Variants in FRMD3 observed in about 807,000 individuals in gnomAD.
FRMD3 encodes the protein FERM domain-containing protein 3.
FRMD3 carries 33 observed loss-of-function variants against 70.2 expected under a neutral mutation model. The ratio of observed to expected loss-of-function variants is 0.47; its 90% CI spans 0.36 to 0.63. The LOEUF is 0.63. FRMD3 is among the 20% of genes least tolerant of loss of function. FRMD3 has a pLI of 0.00. For missense variants in FRMD3, 632 were observed against 711.4 expected (o/e 0.89, Z 1.27); for synonymous variants, 279 against 255.9 (o/e 1.09, Z -0.86).
chr9:83,579,301 TA>T, the FRMD3 span, among the ~76,000 whole-genome samples: 928 of 141,304 alleles, frequency 6.6e-3, 2 homozygotes, highest in African/African-American at 0.011. Context: ...CAGAGAAATG[TA>T]AAAAAAAAAA....
At chr9:83,455,766 A>G (rs1266246164) in intron 1 of FRMD3, among the ~76,000 whole-genome samples, 1 of 152,214 alleles carries the variant, frequency 6.6e-6, no homozygotes, top group African/African-American at 2.4e-5. Context: ...TGATAAAAAT[A>G]TATTTTTCTT....
intron 10 of FRMD3, among the ~76,000 whole-genome samples, chr9:83,302,394 C>A (rs1458037491): frequency 7.2e-5 from 11 of 152,180 alleles, no homozygotes; most frequent in Non-Finnish European, 1.3e-4. Flanking sequence ...CCTGAAAGAA[C>A]AGTGGTCCAG....
intron 13 of FRMD3, chr9:83,267,083 ACC>A: frequency 6.4e-7 from 1 of 1,550,822 alleles, no homozygotes; most frequent in Non-Finnish European, 8.7e-7. Flanking sequence ...GCAGTGGTTC[ACC>A]ATGTGCAATT....
chr9:83,538,238 C>T lies in FRMD3; in HGVS notation c.-7G>A. 1 of 1,558,384 alleles carries T rather than the reference C, an allele frequency of 6.4e-7. No homozygotes were observed. The highest frequency in any genetic ancestry group is 1.2e-5 in the South Asian group (1 of 85,558). On this transcript the variant is annotated 5_prime_UTR_variant, in exon 1 of 14. Transcript: ENST00000304195. This position sits in a 1 kb window ranked among gnomAD's most constrained non-coding sequence, Gnocchi z 4.7. ...AGTGGCAGGAGGCGAACATGCACCG[C>T]GGCCGTGGGGAGCGAGCGGGAGGCT...
intron 13 of FRMD3, among the ~76,000 whole-genome samples, chr9:83,264,899 A>T (rs1350062873): frequency 6.6e-6 from 1 of 152,130 alleles, no homozygotes; most frequent in African/African-American, 2.4e-5. Flanking sequence ...AAAAAATTAG[A>T]TACCACGTGA....
At chr9:83,501,361 T>C (rs4317655) in intron 1 of FRMD3, among the ~76,000 whole-genome samples, 12,596 of 152,020 alleles carry the variant, frequency 0.083, 642 homozygotes, top group East Asian at 0.25. Context: ...GGAGGAAAGA[T>C]AAATGTCAAG....
chr9:83,268,605 C>G (rs1443428066), intron 13 of FRMD3, among the ~76,000 whole-genome samples: 1 of 152,030 alleles, frequency 6.6e-6, no homozygotes, highest in Non-Finnish European at 1.5e-5. Context: ...TTGCAATATA[C>G]TACTAACTGA....
At chr9:83,501,081 TGTC>T (rs1423232783) in intron 1 of FRMD3, among the ~76,000 whole-genome samples, 1 of 152,236 alleles carries the variant, frequency 6.6e-6, no homozygotes, top group East Asian at 1.9e-4. Flanking sequence ...AATAAACAAT[TGTC>T]TTCTGTAATT....
chr9:83,555,010 G>A, the FRMD3 span, among the ~76,000 whole-genome samples: 1 of 152,190 alleles, frequency 6.6e-6, no homozygotes, highest in Admixed American at 6.5e-5. Context: ...TTTGTCCCAG[G>A]GAGGTACAAA....
Position 83,357,280 on chromosome 9 carries a change from TATATATATATATATATAA to T in FRMD3, c.296-7541_296-7524del, listed in dbSNP as rs1564032899. On this transcript the variant is annotated intron_variant, in intron 3 of 13. Transcript: ENST00000304195. ...ATATATATATATATATATATATATATATATATATATATATATAAAACATTTTCTTTATCCACTCATTGA... is the reference window on the plus strand; with the variant it reads ...ATATATATATATATATATATATATATAACATTTTCTTTATCCACTCATTGA... Among the ~76,000 whole-genome samples, 634 of 79,560 alleles carry T rather than the reference TATATATATATATATATAA, an allele frequency of 8.0e-3. 36 individuals are homozygous for T. The highest frequency in any genetic ancestry group is 0.012 in the Admixed American group (76 of 6,596). 52.2% of individuals were successfully genotyped at this position (79,560 alleles called of 152,430 possible). A position where few individuals can be genotyped will look rare whatever the true frequency, so the allele number is the denominator to read the frequency against.
intron 1 of FRMD3, among the ~76,000 whole-genome samples, chr9:83,526,541 CAA>C (rs994753072): frequency 2.6e-5 from 4 of 152,150 alleles, no homozygotes. Context: ...AATTATTAAT[CAA>C]GATTCATCTG....
At chr9:83,540,059 G>A (rs1829980979), upstream of FRMD3, among the ~76,000 whole-genome samples, 1 of 152,150 alleles carries the variant, frequency 6.6e-6, no homozygotes, top group African/African-American at 2.4e-5. Flanking sequence ...TTTCAAAGGA[G>A]AGAACACCTG....
intron 2 of FRMD3, among the ~76,000 whole-genome samples, chr9:83,387,957 C>G (rs1825557698): frequency 6.6e-6 from 1 of 152,092 alleles, no homozygotes; most frequent in Non-Finnish European, 1.5e-5. Flanking sequence ...GTCTGGGAAC[C>G]AGTGTTACTC....
chr9:83,538,367 C>T lies in FRMD3; in HGVS notation c.-136G>A, dbSNP rs370193115. The T allele has an allele frequency of 2.0e-4, 151 of 752,860 alleles. 4 individuals carry two copies. The East Asian group carries it at 3.4e-3, about 17-fold the overall frequency. 46.6% of individuals were successfully genotyped at this position (752,860 alleles called of 1,614,324 possible). ...CCGGGACATCGGCAGCGTCGGGCGCCTGCGGACACACATGCCCAGCGGCCG... is the reference window on the plus strand; with the variant it reads ...CCGGGACATCGGCAGCGTCGGGCGCTTGCGGACACACATGCCCAGCGGCCG... On this transcript the variant is annotated 5_prime_UTR_variant, in exon 1 of 14. Transcript: ENST00000304195. The surrounding 1 kb of genome is among the most constrained non-coding windows in gnomAD (Gnocchi z 4.7).
At chr9:83,535,006 G>A (rs920498168) in intron 1 of FRMD3, among the ~76,000 whole-genome samples, 4 of 152,202 alleles carry the variant, frequency 2.6e-5, no homozygotes, top group African/African-American at 7.2e-5. Context: ...GGGGTAATAT[G>A]TCAAAGACAT....
chr9:83,419,961 T>C (rs1826583239), intron 1 of FRMD3, among the ~76,000 whole-genome samples: 1 of 152,198 alleles, frequency 6.6e-6, no homozygotes, highest in Non-Finnish European at 1.5e-5. Flanking sequence ...CAACCTCAGG[T>C]AGACCACGGA....
At chr9:83,509,499 A>T (rs563690226) in intron 1 of FRMD3, among the ~76,000 whole-genome samples, 1 of 152,336 alleles carries the variant, frequency 6.6e-6, no homozygotes, top group East Asian at 1.9e-4. Flanking sequence ...AATAAATCAC[A>T]AAGCTGAATA....
intron 1 of FRMD3, among the ~76,000 whole-genome samples, chr9:83,505,497 C>G (rs1373660911): frequency 6.6e-6 from 1 of 152,050 alleles, no homozygotes; most frequent in Non-Finnish European, 1.5e-5. Flanking sequence ...GGCGATAGGA[C>G]AGGTGGCCTG....
intron 1 of FRMD3, among the ~76,000 whole-genome samples, chr9:83,507,132 G>A (rs1159583879): frequency 1.3e-5 from 2 of 152,026 alleles, no homozygotes; most frequent in East Asian, 1.9e-4. Flanking sequence ...AGGCCAAGGC[G>A]GGTGGATCAC....
Sources: gnomAD v4.1 joint callset for allele counts (sites outside exome capture counted in the v4.1 genomes callset) on GRCh38, gnomAD v4.1.1 for gene constraint, Gnocchi (gnomAD v3.1) non-coding constraint, MANE v1.5 for transcripts, NCBI Gene and HGNC (gene_info 2026-07-23, HGNC 2026-07-21) for gene names.